SYNE1: variants seen among roughly 807,000 people sequenced by gnomAD.
SYNE1 encodes the protein nesprin-1.
Under a neutral mutation model 1,111.0 loss-of-function variants are expected in SYNE1, and 616 were observed. The ratio of observed to expected loss-of-function variants is 0.55; its 90% CI spans 0.52 to 0.59. The LOEUF is 0.59. Ranked by LOEUF, SYNE1 falls within the 20% of genes least tolerant of loss-of-function variation. The pLI is 0.00. For missense variants in SYNE1, 10,006 were observed against 10,417.0 expected (o/e 0.96, Z 1.72); for synonymous variants, 3,855 against 3,825.8 (o/e 1.01, Z -0.28).
chr6:152,511,134 T>C (rs1283051923), intron 6 of SYNE1, 31 bp from the exon 7 acceptor site: 1 of 1,550,656 alleles, frequency 6.4e-7, no homozygotes, highest in Non-Finnish European at 8.9e-7. Flanking sequence ...GTACTAGTAA[T>C]GTACTAGAAT....
intron 33 of SYNE1, chr6:152,434,344 GTTC>G (rs980280458): frequency 7.2e-5 from 14 of 195,624 alleles, no homozygotes; most frequent in African/African-American, 2.9e-4. Flanking sequence ...CCAAAGAAAT[GTTC>G]TTCTTACACT....
At chr6:152,472,234 G>C (rs1011475294) in intron 15 of SYNE1, 67 bp downstream of exon 15, 2 of 1,351,548 alleles carry the variant, frequency 1.5e-6, no homozygotes, top group Admixed American at 2.0e-5. Context: ...AAAAATAAAA[G>C]AAATATAAAA....
chr6:152,632,159 C>T (rs1583794261), intron 2 of SYNE1, among the ~76,000 whole-genome samples: 2 of 152,306 alleles, frequency 1.3e-5, no homozygotes, highest in East Asian at 3.9e-4. Flanking sequence ...GGTATAGAGG[C>T]TATAACATTG....
intron 3 of SYNE1, among the ~76,000 whole-genome samples, chr6:152,626,860 T>C (rs2099686893): frequency 1.3e-5 from 2 of 152,204 alleles, no homozygotes; most frequent in Non-Finnish European, 1.5e-5. Flanking sequence ...TTCTGGGTCA[T>C]GAATACCCCG....
intron 20 of SYNE1, among the ~76,000 whole-genome samples, chr6:152,462,190 C>T (rs1311924568): frequency 2.0e-5 from 3 of 151,750 alleles, no homozygotes; most frequent in Non-Finnish European, 4.4e-5. Flanking sequence ...TCTTCTCCCA[C>T]AGTAAAACCC....
At chr6:152,361,712 A>G (rs2096933773) in intron 64 of SYNE1, among the ~76,000 whole-genome samples, 1 of 152,164 alleles carries the variant, frequency 6.6e-6, no homozygotes, top group Admixed American at 6.5e-5. Context: ...GTAAAACTTC[A>G]TGTTTGAATA....
intron 130 of SYNE1, chr6:152,168,263 G>A (rs1229245187): frequency 3.0e-6 from 2 of 656,462 alleles, no homozygotes; most frequent in East Asian, 5.3e-5. Context: ...CCTGCGTGGG[G>A]ATGAAAGTTT....
intron 93 of SYNE1, among the ~76,000 whole-genome samples, chr6:152,297,922 T>C (rs1203871385): frequency 6.6e-6 from 1 of 152,174 alleles, no homozygotes; most frequent in East Asian, 1.9e-4. Context: ...ATAATTTCTA[T>C]TTATTTGAGG....
chr6:152,247,748 T>TAC (rs1419093301), intron 105 of SYNE1, among the ~76,000 whole-genome samples: 6,254 of 90,500 alleles, frequency 0.069, 139 homozygotes, highest in East Asian at 0.15. Context: ...TATATATATA[T>TAC]ATACACACAC....
chr6:152,233,704 C>T, intron 112 of SYNE1, 77 bp downstream of exon 112: 1 of 1,566,826 alleles, frequency 6.4e-7, no homozygotes, highest in South Asian at 1.1e-5. Context: ...AATTTGTGAG[C>T]AAAAGCAAAT....
At chr6:152,450,364 G>A (rs576113170) in intron 27 of SYNE1, among the ~76,000 whole-genome samples, 1 of 152,272 alleles carries the variant, frequency 6.6e-6, no homozygotes, top group South Asian at 2.1e-4. Context: ...TTAGCAAAGT[G>A]AGAAAGGACT....
chr6:152,630,520 A>G (rs1414676637), intron 2 of SYNE1, among the ~76,000 whole-genome samples: 2 of 152,214 alleles, frequency 1.3e-5, no homozygotes, highest in Admixed American at 1.3e-4. Flanking sequence ...TACAAAAGCT[A>G]TCTTAATTTG....
Position 152,294,062 on chromosome 6 carries a change from G to T in SYNE1, c.17748C>A (p.Pro5916=), listed in dbSNP as rs369222335. The stretch of plus-strand genomic sequence containing the variant: ...AGAACTCCTGGGATGCGGATGTGCT[G>T]GGGTGAATTTTTGCAGCATCTGTCT... ...RLQTDAAKIH[P]STSASQEFYE... Residue 5916 remains proline (P), a synonymous_variant, in exon 94 of 146, where the codon CCC becomes CCA. Transcript: ENST00000367255. 8 of 1,613,852 alleles carry T rather than the reference G, an allele frequency of 5.0e-6. No homozygotes were observed. The African/African-American group carries it at 1.1e-4, about 22-fold the overall frequency.
In SYNE1 at chr6:152,449,620, C is replaced by T. The variant is rs2154248962; in HGVS notation, c.3417G>A (p.Trp1139Ter). Residue 1139 changes from tryptophan (W) to a stop codon, truncating the protein, a stop_gained, in exon 28 of 146, where the codon TGG becomes TGA. Coordinates refer to ENST00000367255, the MANE Select transcript of SYNE1 (RefSeq NM_182961.4). LOFTEE classifies it high-confidence loss of function. ...TTAATTGTGTCTCATTTGTAGATAT[C>T]CAAGATGAGAACTCAGAGAATCTGA... is the stretch of plus-strand genomic sequence containing the variant. The part of the protein sequence containing the change: ...YTSRFSEFSS[W>*]ISTNETQLKG... The T allele has an allele frequency of 2.5e-6, 4 of 1,613,356 alleles. No homozygotes were observed. The highest frequency in any genetic ancestry group is 1.7e-6 in the Non-Finnish European group (2 of 1,179,442).
intron 3 of SYNE1, among the ~76,000 whole-genome samples, chr6:152,566,824 C>CT (rs1338138094): frequency 6.6e-6 from 1 of 152,092 alleles, no homozygotes; most frequent in Non-Finnish European, 1.5e-5. Context: ...TCCACAAACA[C>CT]TTTTTTTGTG....
At chr6:152,456,066 CA>C in intron 22 of SYNE1, 22 bp from the exon 23 acceptor site, 1 of 1,609,054 alleles carries the variant, frequency 6.2e-7, no homozygotes, top group Non-Finnish European at 8.5e-7. Flanking sequence ...TGAAACCCCA[CA>C]ACAATGTTAT....
intron 2 of SYNE1, among the ~76,000 whole-genome samples, chr6:152,636,417 C>A (rs2099706002): frequency 6.6e-6 from 1 of 152,100 alleles, no homozygotes; most frequent in Non-Finnish European, 1.5e-5. Flanking sequence ...CATCTACGTA[C>A]GAGATGCAAA....
chr6:152,324,134 C>G (rs993123795), intron 81 of SYNE1, among the ~76,000 whole-genome samples: 1 of 152,144 alleles, frequency 6.6e-6, no homozygotes, highest in Non-Finnish European at 1.5e-5. Flanking sequence ...TGTGGTGGCT[C>G]GTGCCTGTAA....
chr6:152,553,768 G>A (rs938822699), intron 3 of SYNE1, among the ~76,000 whole-genome samples: 13 of 152,156 alleles, frequency 8.5e-5, no homozygotes, highest in Admixed American at 6.5e-4. Flanking sequence ...CACAGGTCAG[G>A]ATAACAGGGA....
Sources: allele counts gnomAD v4.1 joint callset (sites outside exome capture counted in the v4.1 genomes callset), GRCh38; gene constraint gnomAD v4.1.1; transcripts MANE v1.5; gene names NCBI Gene and HGNC (gene_info 2026-07-23, HGNC 2026-07-21).